CDK5RAP2: variants seen among roughly 807,000 people sequenced by gnomAD.
CDK5RAP2 encodes the protein CDK5 regulatory subunit-associated protein 2.
In CDK5RAP2, 147 loss-of-function variants were observed where a neutral mutation model predicts 232.9. The ratio of observed to expected loss-of-function variants is 0.63; its 90% CI spans 0.55 to 0.72. The LOEUF (loss-of-function observed/expected upper bound fraction) is 0.72. Among genes scored for constraint, CDK5RAP2 ranks in the 30% least tolerant of loss-of-function variants. The pLI is 0.00. For synonymous variants in CDK5RAP2, 833 were observed against 833.7 expected (o/e 1.00, Z 0.01); for missense variants, 2,195 against 2,231.5 (o/e 0.98, Z 0.33).
intron 1 of CDK5RAP2, among the ~76,000 whole-genome samples, chr9:120,577,426 G>A (rs796456253): frequency 6.6e-6 from 1 of 152,144 alleles, no homozygotes; most frequent in Non-Finnish European, 1.5e-5. Context: ...CTGGGAGAAG[G>A]GGGGAATAGG....
rs1183350368 is a variant in CDK5RAP2, at chr9:120,407,172, C to T, written c.4803G>A (p.Leu1601=). The change falls in exon 32 of 38, where the codon CTG becomes CTA. Residue 1601 remains leucine (L), a synonymous_variant. Coordinates refer to ENST00000349780, the MANE Select transcript of CDK5RAP2 (RefSeq NM_018249.6). ...LHSLLMEIQA[L]RLQLERSIET... Reference sequence around the variant, plus strand: ...CGATGCTCCTTTCTAGTTGCAAGCGCAGAGCCTGGATCTCCATCAGGAGGC... The same window carrying T: ...CGATGCTCCTTTCTAGTTGCAAGCGTAGAGCCTGGATCTCCATCAGGAGGC... The T allele has an allele frequency of 6.2e-7, 1 of 1,614,012 alleles. No individual in the cohort carries two copies. Among genetic ancestry groups the T allele is most frequent in the African/African-American group, 1.3e-5 (1 of 75,048 alleles).
At position 120,528,792 on chromosome 9, in the gene CDK5RAP2, T is replaced by G; in HGVS notation, c.831A>C (p.Ala277=). 6.2e-7 allele frequency: 1 copy of G among 1,609,694 alleles called. No individual in the cohort carries two copies. The highest frequency in any genetic ancestry group is 8.5e-7 in the Non-Finnish European group (1 of 1,175,868). ...REEKERETEA[A]QMEHQKERNS... is the part of the protein sequence containing the mutation. ...TTCTCTCCTTCTGATGCTCCATTTGTGCAGCCTAAGAAAAGGCATTAATTG... is the reference window on the plus strand; with the variant it reads ...TTCTCTCCTTCTGATGCTCCATTTGGGCAGCCTAAGAAAAGGCATTAATTG... Residue 277 remains alanine, a synonymous_variant, in exon 9 of 38, where the codon GCA becomes GCC. Transcript: ENST00000349780.
chr9:120,531,822 G>C (rs796707619), intron 7 of CDK5RAP2, among the ~76,000 whole-genome samples: 3 of 151,918 alleles, frequency 2.0e-5, no homozygotes, highest in South Asian at 4.2e-4. Flanking sequence ...AATGCACTAG[G>C]AGACAAGGTG....
chr9:120,560,075 C>A (rs1379719690), intron 3 of CDK5RAP2, among the ~76,000 whole-genome samples: 1 of 152,226 alleles, frequency 6.6e-6, no homozygotes. Flanking sequence ...AAAGCTGAGG[C>A]TCACCCTACC....
Position 120,536,374 on chromosome 9 carries a change from G to A in CDK5RAP2, c.660C>T (p.Asp220=), listed in dbSNP as rs761626365. 6.2e-7 allele frequency: 1 copy of A among 1,614,066 alleles called. No homozygotes were observed. ...LAMALVLDEK[D]RLIEELKLSL... is the part of the protein sequence containing the mutation. ...TATGACAGGGACAAGAGCCAGACCT[G>A]TCTTTCTCATCCAGGACCAGAGCCA... The change falls in exon 7 of 38, where the codon GAC becomes GAT. Residue 220 remains aspartate (D), a splice_region_variant and synonymous_variant. Coordinates refer to ENST00000349780, the MANE Select transcript of CDK5RAP2 (RefSeq NM_018249.6).
At chr9:120,504,439 A>C (rs1227740734) in intron 12 of CDK5RAP2, among the ~76,000 whole-genome samples, 1 of 152,186 alleles carries the variant, frequency 6.6e-6, no homozygotes, top group African/African-American at 2.4e-5. Flanking sequence ...CCTTAATTAT[A>C]AAGGAAGAAG....
intron 18 of CDK5RAP2, among the ~76,000 whole-genome samples, chr9:120,466,571 A>G (rs757921991): frequency 3.3e-5 from 5 of 152,222 alleles, no homozygotes; most frequent in Non-Finnish European, 5.9e-5. Flanking sequence ...GGGCAAATGA[A>G]CAAACAAAAC....
chr9:120,411,295 A>G lies in CDK5RAP2; in HGVS notation c.4414+63T>C, dbSNP rs971924500. 4 of 1,005,916 alleles carry G rather than the reference A, an allele frequency of 4.0e-6. No homozygotes were observed. In the African/African-American group the frequency reaches 6.3e-5, roughly 16 times the overall value. The allele number at this position is 1,005,916 out of a possible 1,614,324, so 62.3% of individuals were successfully genotyped here. A position where few individuals can be genotyped will look rare whatever the true frequency, so the allele number is the denominator to read the frequency against. On this transcript the variant is annotated intron_variant, in intron 29 of 37. Coordinates refer to ENST00000349780, the MANE Select transcript of CDK5RAP2 (RefSeq NM_018249.6). Reference sequence around the variant, plus strand: ...AGGTTGGTCAGACTCCAATGCCTGCATTCTTTCCATGACACAGAAGGCTTT... The same window carrying G: ...AGGTTGGTCAGACTCCAATGCCTGCGTTCTTTCCATGACACAGAAGGCTTT...
At chr9:120,533,439 T>C (rs913740643) in intron 7 of CDK5RAP2, among the ~76,000 whole-genome samples, 1 of 151,996 alleles carries the variant, frequency 6.6e-6, no homozygotes, top group African/African-American at 2.4e-5. Context: ...CAAAAACATT[T>C]CCTCTTTTTC....
Position 120,572,780 on chromosome 9 carries a change from T to G in CDK5RAP2, c.60-739A>C, listed in dbSNP as rs2042900242. On this transcript the variant is annotated intron_variant, in intron 1 of 37. Transcript: ENST00000349780. The stretch of plus-strand genomic sequence containing the variant: ...GCTACCTCACAGAGTAACTGGCAAT[T>G]AAACAAGATATTGCAAGGTACCTTG... Among the ~76,000 whole-genome samples the G allele has an allele frequency of 2.6e-5, 4 of 152,324 alleles. No homozygotes were observed. The South Asian group carries it at 8.3e-4, about 32-fold the overall frequency.
intron 21 of CDK5RAP2, among the ~76,000 whole-genome samples, chr9:120,449,675 A>G (rs1438928249): frequency 6.6e-6 from 1 of 152,228 alleles, no homozygotes; most frequent in Non-Finnish European, 1.5e-5. Flanking sequence ...ACTCAATAAT[A>G]AAAACAAATA....
At chr9:120,465,882 G>C (rs1330491480) in intron 18 of CDK5RAP2, among the ~76,000 whole-genome samples, 1 of 152,160 alleles carries the variant, frequency 6.6e-6, no homozygotes, top group Non-Finnish European at 1.5e-5. Flanking sequence ...CAATTAGCAA[G>C]AACAGGAGAC....
intron 7 of CDK5RAP2, among the ~76,000 whole-genome samples, chr9:120,531,248 C>A (rs1357419223): frequency 6.6e-6 from 1 of 151,848 alleles, no homozygotes; most frequent in Non-Finnish European, 1.5e-5. Flanking sequence ...ACCTAAAATG[C>A]CCTTCCCCAC....
At chr9:120,551,982 A>C (rs1197777506) in intron 3 of CDK5RAP2, among the ~76,000 whole-genome samples, 1 of 152,124 alleles carries the variant, frequency 6.6e-6, no homozygotes, top group Non-Finnish European at 1.5e-5. Flanking sequence ...CAATGAACTC[A>C]AACAAATTTA....
At chr9:120,477,947 T>G (rs1205303204) in intron 14 of CDK5RAP2, among the ~76,000 whole-genome samples, 1 of 152,246 alleles carries the variant, frequency 6.6e-6, no homozygotes, top group Non-Finnish European at 1.5e-5. Flanking sequence ...TGAAGAAATC[T>G]GAGTTGGATC....
chr9:120,563,226 C>G (rs1300587035), intron 3 of CDK5RAP2, among the ~76,000 whole-genome samples: 2 of 152,080 alleles, frequency 1.3e-5, no homozygotes, highest in Non-Finnish European at 2.9e-5. Context: ...GTGGAGCATG[C>G]ACGTAGGCCC....
chr9:120,579,526 G>A (rs1475339984), intron 1 of CDK5RAP2, among the ~76,000 whole-genome samples: 1 of 152,104 alleles, frequency 6.6e-6, no homozygotes, highest in South Asian at 2.1e-4. Flanking sequence ...TGGGCATACC[G>A]GCTACACTCT....
chr9:120,570,806 T>A (rs13301996), intron 2 of CDK5RAP2, among the ~76,000 whole-genome samples: 2 of 151,944 alleles, frequency 1.3e-5, no homozygotes, highest in Non-Finnish European at 2.9e-5. Flanking sequence ...ACCACTGCAC[T>A]CCAGCCTGGG....
At chr9:120,409,439 GGCATTCCA>G (rs2131311396) in intron 29 of CDK5RAP2, 123 bp from the exon 30 acceptor site, 1 of 791,502 alleles carries the variant, frequency 1.3e-6, no homozygotes, top group African/African-American at 1.7e-5. Context: ...TTATGATTTT[GGCATTCCA>G]ATTATCTTAC....
Sources: gnomAD v4.1 joint callset for allele counts (sites outside exome capture counted in the v4.1 genomes callset) on GRCh38, gnomAD v4.1.1 for gene constraint, MANE v1.5 for transcripts, NCBI Gene and HGNC (gene_info 2026-07-23, HGNC 2026-07-21) for gene names.